Variants in TRHDE observed in about 807,000 individuals in gnomAD.
TRHDE encodes the protein thyrotropin-releasing hormone-degrading ectoenzyme.
Under a neutral mutation model 125.7 loss-of-function variants are expected in TRHDE, and 72 were observed. The observed-to-expected ratio is 0.57, with a 90% confidence interval of 0.47 to 0.70. The LOEUF is 0.70. TRHDE is among the 30% of genes least tolerant of loss of function. The pLI is 0.00. For synonymous variants in TRHDE, 509 were observed against 509.1 expected, an observed-to-expected ratio of 1.00 and a Z score of 0.00; for missense variants, 1,110 against 1,327.1, an observed-to-expected ratio of 0.84 and a Z score of 2.54.
chr12:72,396,174 A>G, intron 3 of TRHDE, among the ~76,000 whole-genome samples: 1 of 152,198 alleles, frequency 6.6e-6, no homozygotes, highest in Non-Finnish European at 1.5e-5. Context: ...TCTTTAAACA[A>G]ACAGGCTTCA....
chr12:72,355,612 A>G (rs894238216), intron 2 of TRHDE, among the ~76,000 whole-genome samples: 1 of 151,984 alleles, frequency 6.6e-6, no homozygotes, highest in African/African-American at 2.4e-5. Context: ...AACATAGTAA[A>G]CAGACAACCT....
intron 2 of TRHDE, among the ~76,000 whole-genome samples, chr12:72,339,972 A>G (rs905872014): frequency 6.6e-6 from 1 of 152,204 alleles, no homozygotes; most frequent in Non-Finnish European, 1.5e-5. Flanking sequence ...ATTTGTGACA[A>G]CACTGAAGAA....
intron 15 of TRHDE, among the ~76,000 whole-genome samples, chr12:72,629,848 C>CT (rs1873407771): frequency 1.3e-5 from 2 of 151,292 alleles, no homozygotes; most frequent in Admixed American, 6.6e-5. Flanking sequence ...TTTTTGTTTA[C>CT]TTTTTCCCCT....
At chr12:72,405,978 C>T (rs887327207) in intron 3 of TRHDE, among the ~76,000 whole-genome samples, 5 of 152,138 alleles carry the variant, frequency 3.3e-5, no homozygotes, top group Non-Finnish European at 7.4e-5. Context: ...TCAAACATTT[C>T]TTTAAAGGCT....
intron 2 of TRHDE, among the ~76,000 whole-genome samples, chr12:72,344,822 C>A (rs935877625): frequency 6.6e-5 from 10 of 152,124 alleles, no homozygotes; most frequent in African/African-American, 2.4e-4. Flanking sequence ...GAGGAACACT[C>A]TTCTTATGGA....
At chr12:72,492,537 C>T (rs1877729307) in intron 5 of TRHDE, among the ~76,000 whole-genome samples, 1 of 151,832 alleles carries the variant, frequency 6.6e-6, no homozygotes, top group Non-Finnish European at 1.5e-5. Flanking sequence ...GGATTAAAAT[C>T]TGATGGATAT....
chr12:72,494,855 A>G (rs1023061853), intron 5 of TRHDE, among the ~76,000 whole-genome samples: 3 of 152,084 alleles, frequency 2.0e-5, no homozygotes, highest in African/African-American at 7.2e-5. Flanking sequence ...ACTTACATAT[A>G]GACTACTATT....
At chr12:72,312,036 A>G (rs7313729) in intron 2 of TRHDE, among the ~76,000 whole-genome samples, 125,446 of 152,144 alleles carry the variant, frequency 0.82, 51,896 homozygotes, top group East Asian at 0.92. Flanking sequence ...TCTGCCACAT[A>G]TGTTATAGAC....
At chr12:72,356,979 G>A (rs1870853486) in intron 2 of TRHDE, among the ~76,000 whole-genome samples, 1 of 151,438 alleles carries the variant, frequency 6.6e-6, no homozygotes, top group Admixed American at 6.6e-5. Flanking sequence ...TAATGCCTGT[G>A]ATTTCCTTTA....
intron 2 of TRHDE, among the ~76,000 whole-genome samples, chr12:72,262,022 T>A (rs1878961169): frequency 6.6e-6 from 1 of 152,162 alleles, no homozygotes; most frequent in African/African-American, 2.4e-5. Flanking sequence ...TTTAGAATTG[T>A]GGGAACAGAC....
chr12:72,471,819 G>A (rs990261300), intron 4 of TRHDE, among the ~76,000 whole-genome samples: 3 of 152,190 alleles, frequency 2.0e-5, no homozygotes, highest in African/African-American at 7.2e-5. Flanking sequence ...TGTCAGCCAA[G>A]CTTGTTAATG....
At chr12:72,603,713 A>G (rs1168709914) in intron 12 of TRHDE, among the ~76,000 whole-genome samples, 3 of 152,152 alleles carry the variant, frequency 2.0e-5, no homozygotes, top group Admixed American at 1.3e-4. Context: ...CGACAGAGTG[A>G]GACTCCGTCT....
intron 2 of TRHDE, among the ~76,000 whole-genome samples, chr12:72,346,584 G>A (rs994071859): frequency 4.6e-5 from 7 of 151,996 alleles, no homozygotes; most frequent in Admixed American, 6.6e-5. Flanking sequence ...AAGCACAAAG[G>A]CACCCTATGT....
chr12:72,509,252 A>C (rs1878482501), intron 6 of TRHDE, among the ~76,000 whole-genome samples: 1 of 151,996 alleles, frequency 6.6e-6, no homozygotes, highest in Non-Finnish European at 1.5e-5. Flanking sequence ...CTTTGCTGAA[A>C]ATTCCATAAT....
At chr12:72,146,264 G>A (rs935058632) in intron 2 of TRHDE, among the ~76,000 whole-genome samples, 1 of 152,116 alleles carries the variant, frequency 6.6e-6, no homozygotes, top group African/African-American at 2.4e-5. Flanking sequence ...CCTTGTCCGT[G>A]TTTCCTCACT....
At chr12:72,592,263 T>G (rs1200947191) in intron 12 of TRHDE, among the ~76,000 whole-genome samples, 1 of 152,182 alleles carries the variant, frequency 6.6e-6, no homozygotes, top group Non-Finnish European at 1.5e-5. Flanking sequence ...CCAGTGAAAC[T>G]GTATTTTTTA....
chr12:72,252,851 TTTGCCTCATTAAG>T (rs1878716299), intron 2 of TRHDE, among the ~76,000 whole-genome samples: 1 of 152,102 alleles, frequency 6.6e-6, no homozygotes, highest in Non-Finnish European at 1.5e-5. Flanking sequence ...TATACATTTT[TTTGCCTCATTAAG>T]TTGCCTCATA....
At chr12:72,172,433 T>A (rs991644701) in intron 2 of TRHDE, among the ~76,000 whole-genome samples, 9 of 152,234 alleles carry the variant, frequency 5.9e-5, no homozygotes, top group Non-Finnish European at 1.2e-4. Flanking sequence ...CAACCAAGTT[T>A]AACTCAGGTC....
Position 72,273,641 on chromosome 12 carries a change from G to C in TRHDE, c.914+84G>C. 7.3e-7 allele frequency: 1 copy of C among 1,372,038 alleles called. No homozygotes were observed. Among genetic ancestry groups the C allele is most frequent in the Non-Finnish European group, 9.9e-7 (1 of 1,013,052 alleles). The allele number at this position is 1,372,038 out of a possible 1,614,324, so 85.0% of individuals were successfully genotyped here. ...GGCGGCCTGCGACCCCGGGGACCCA[G>C]CTGGCTTCCAATACCCGGGAAGCCA... On this transcript the variant is annotated intron_variant, in intron 1 of 18. Coordinates refer to ENST00000261180, the MANE Select transcript of TRHDE (RefSeq NM_013381.3). The surrounding 1 kb of genome is among the most constrained non-coding windows in gnomAD (Gnocchi z 5.3).
Sources: gnomAD v4.1 joint callset for allele counts (sites outside exome capture counted in the v4.1 genomes callset) on GRCh38, gnomAD v4.1.1 for gene constraint, Gnocchi (gnomAD v3.1) non-coding constraint, MANE v1.5 for transcripts, NCBI Gene and HGNC (gene_info 2026-07-23, HGNC 2026-07-21) for gene names.